Variants in SLC4A4 observed in about 807,000 individuals in gnomAD.
SLC4A4 encodes electrogenic sodium bicarbonate cotransporter 1.
A neutral mutation model predicts 111.5 loss-of-function variants in SLC4A4; 27 were observed. That is an observed-to-expected ratio of 0.24 (90% confidence interval 0.18 to 0.33). The LOEUF is 0.33. Ranked by LOEUF, SLC4A4 falls within the 10% of genes least tolerant of loss-of-function variation. SLC4A4 has a pLI of 1.00. For synonymous variants in SLC4A4, 443 were observed against 463.4 expected, an observed-to-expected ratio of 0.96 and a Z score of 0.57; for missense variants, 909 against 1,315.5, an observed-to-expected ratio of 0.69 and a Z score of 4.78.
At chr4:71,409,562 G>A (rs1579035464) in intron 7 of SLC4A4, among the ~76,000 whole-genome samples, 1 of 152,200 alleles carries the variant, frequency 6.6e-6, no homozygotes, top group Middle Eastern at 3.2e-3. Context: ...CATTCAAAAG[G>A]TGACTTGGGT....
At chr4:71,497,377 A>G in intron 15 of SLC4A4, 124 bp from the exon 16 acceptor site, 1 of 768,292 alleles carries the variant, frequency 1.3e-6, no homozygotes, top group Non-Finnish European at 2.2e-6. Flanking sequence ...TTCACCCTCC[A>G]GTGCTTATTT....
chr4:71,125,507 C>T (rs1000593139), intron 2 of SLC4A4, among the ~76,000 whole-genome samples: 3 of 152,202 alleles, frequency 2.0e-5, no homozygotes, highest in Non-Finnish European at 4.4e-5. Flanking sequence ...TTGCAGTGAG[C>T]TGAGATCACG....
intron 16 of SLC4A4, among the ~76,000 whole-genome samples, chr4:71,525,826 G>T (rs948333424): frequency 1.3e-5 from 2 of 152,114 alleles, no homozygotes; most frequent in South Asian, 4.1e-4. Flanking sequence ...GACCTACATA[G>T]CAGGATGTTT....
chr4:71,370,184 G>T (rs1399029442), intron 6 of SLC4A4, among the ~76,000 whole-genome samples: 1 of 152,146 alleles, frequency 6.6e-6, no homozygotes, highest in Non-Finnish European at 1.5e-5. Context: ...GACAGATGAA[G>T]AAATTAGAAA....
chr4:71,294,124 C>T (rs1272211636), intron 3 of SLC4A4, among the ~76,000 whole-genome samples: 4 of 152,166 alleles, frequency 2.6e-5, no homozygotes, highest in Non-Finnish European at 5.9e-5. Context: ...TAACGACCTT[C>T]AATTCTTTCT....
chr4:71,355,446 G>A (rs933016429), intron 5 of SLC4A4, among the ~76,000 whole-genome samples: 4 of 152,048 alleles, frequency 2.6e-5, no homozygotes, highest in African/African-American at 9.7e-5. Context: ...AATTCTGATA[G>A]TTTTGCTGAG....
At chr4:71,090,687 C>A (rs1024252833) in intron 1 of SLC4A4, among the ~76,000 whole-genome samples, 1 of 152,138 alleles carries the variant, frequency 6.6e-6, no homozygotes, top group East Asian at 1.9e-4. Context: ...TTGAAAGAAA[C>A]AAGGGTTGTT....
chr4:71,089,762 T>A (rs149272502), intron 1 of SLC4A4, among the ~76,000 whole-genome samples: 1,956 of 152,082 alleles, frequency 0.013, 62 homozygotes, highest in African/African-American at 0.043. Flanking sequence ...CTGGAAATTT[T>A]GTCTCAGAGG....
chr4:71,465,968 G>C (rs1223935425), intron 12 of SLC4A4, among the ~76,000 whole-genome samples: 1 of 152,048 alleles, frequency 6.6e-6, no homozygotes, highest in Non-Finnish European at 1.5e-5. Flanking sequence ...TATTTCAAAG[G>C]TGTTTCTCTA....
chr4:71,292,924 C>T (rs552130235), intron 3 of SLC4A4, among the ~76,000 whole-genome samples: 28 of 147,318 alleles, frequency 1.9e-4, no homozygotes, highest in Middle Eastern at 7.2e-3. Flanking sequence ...TCACTGCAAC[C>T]TCTGCCCTCT....
At chr4:71,191,104 C>T (rs1160118895) in intron 1 of SLC4A4, among the ~76,000 whole-genome samples, 2 of 152,108 alleles carry the variant, frequency 1.3e-5, no homozygotes, top group South Asian at 2.1e-4. Flanking sequence ...GCCTAGTAGG[C>T]GAATGTAAAT....
intron 2 of SLC4A4, among the ~76,000 whole-genome samples, chr4:71,248,315 C>A (rs915533793): frequency 2.6e-5 from 4 of 151,814 alleles, no homozygotes. Context: ...GTGTACCAGA[C>A]ACAGTGGGAG....
At chr4:71,142,685 C>T (rs918992552) in intron 2 of SLC4A4, among the ~76,000 whole-genome samples, 1 of 151,092 alleles carries the variant, frequency 6.6e-6, no homozygotes, top group Non-Finnish European at 1.5e-5. Context: ...CTTGGAGATG[C>T]TATCTAGCAG....
At chr4:71,386,013 GTT>G (rs560393700) in intron 6 of SLC4A4, among the ~76,000 whole-genome samples, 1 of 141,892 alleles carries the variant, frequency 7.0e-6, no homozygotes, top group Admixed American at 7.0e-5. Context: ...ATTTTTTGGA[GTT>G]TTTTTTTTTG....
At chr4:71,430,832 T>C (rs2149040901) in intron 7 of SLC4A4, among the ~76,000 whole-genome samples, 1 of 152,282 alleles carries the variant, frequency 6.6e-6, no homozygotes, top group Non-Finnish European at 1.5e-5. Flanking sequence ...TCTACACTTC[T>C]AAATATTGAT....
At chr4:71,206,036 G>C (rs755327094) in intron 1 of SLC4A4, among the ~76,000 whole-genome samples, 1 of 152,130 alleles carries the variant, frequency 6.6e-6, no homozygotes, top group Non-Finnish European at 1.5e-5. Flanking sequence ...TGACTATGTC[G>C]TAGAACGCAT....
intron 12 of SLC4A4, among the ~76,000 whole-genome samples, chr4:71,463,570 A>G (rs1727035802): frequency 6.6e-6 from 1 of 152,200 alleles, no homozygotes; most frequent in Admixed American, 6.5e-5. Context: ...AAACTGTAGC[A>G]CTTACCAAAG....
chr4:71,275,030 T>A (rs567481383), intron 3 of SLC4A4, among the ~76,000 whole-genome samples: 32 of 152,312 alleles, frequency 2.1e-4, no homozygotes, highest in African/African-American at 5.8e-4. Flanking sequence ...TTGTCTTTCA[T>A]TGATTCCTTT....
In SLC4A4 at chr4:71,156,951, T is replaced by A. The variant is rs1744494497; in HGVS notation, c.-2+64159T>A. Among the ~76,000 whole-genome samples, 3 of 152,162 alleles carry A rather than the reference T, an allele frequency of 2.0e-5. No homozygotes were observed. In the South Asian group the frequency reaches 6.2e-4, roughly 32 times the overall value. ...GATCATTTTTATTAGTTATTCTAAA[T>A]TGAGATTCAGAATGGCATGTCATAA... On this transcript the variant is annotated intron_variant, in intron 2 of 26. Coordinates refer to the SLC4A4 transcript ENST00000649996.
Sources: allele counts gnomAD v4.1 joint callset (sites outside exome capture counted in the v4.1 genomes callset), GRCh38; gene constraint gnomAD v4.1.1; transcripts MANE v1.5; gene names NCBI Gene and HGNC (gene_info 2026-07-23, HGNC 2026-07-21).